Variants in MROH2A observed in about 807,000 individuals in gnomAD.
MROH2A encodes maestro heat-like repeat-containing protein family member 2A.
Under a neutral mutation model 200.4 loss-of-function variants are expected in MROH2A, and 174 were observed. The ratio of observed to expected loss-of-function variants is 0.87; its 90% CI spans 0.77 to 0.98. The LOEUF (loss-of-function observed/expected upper bound fraction) is 0.98. Among genes scored for constraint, MROH2A ranks in the 50% least tolerant of loss-of-function variants. The pLI is 0.00. For missense variants in MROH2A, 2,045 were observed against 2,139.6 expected (o/e 0.96, Z 0.87); for synonymous variants, 829 against 840.4 (o/e 0.99, Z 0.23).
At chr2:233,790,935 C>T (rs922082989) in intron 5 of MROH2A, among the ~76,000 whole-genome samples, 9 of 152,212 alleles carry the variant, frequency 5.9e-5, no homozygotes, top group African/African-American at 2.2e-4. Context: ...GACCTCATCT[C>T]TGCAGCCCTT....
intron 3 of MROH2A, among the ~76,000 whole-genome samples, chr2:233,782,445 T>C (rs890433163): frequency 2.0e-5 from 3 of 152,254 alleles, no homozygotes; most frequent in African/African-American, 7.2e-5. Context: ...AGGTATTTTA[T>C]ATTTTTGTGG....
intron 12 of MROH2A, 25 bp from the exon 13 acceptor site, chr2:233,799,755 C>T: frequency 6.5e-7 from 1 of 1,550,040 alleles, no homozygotes; most frequent in Non-Finnish European, 8.7e-7. Flanking sequence ...CAACCCCCAG[C>T]ATGTCCACGG....
chr2:233,793,033 T>G, intron 6 of MROH2A, 139 bp downstream of exon 6: 1 of 855,048 alleles, frequency 1.2e-6, no homozygotes, highest in Non-Finnish European at 1.8e-6. Context: ...GCTTAATCTT[T>G]TACTTCGTGT....
At chr2:233,791,643 C>T (rs28900423) in intron 5 of MROH2A, among the ~76,000 whole-genome samples, 1 of 152,080 alleles carries the variant, frequency 6.6e-6, no homozygotes, top group African/African-American at 2.4e-5. Context: ...GAGGACCCAG[C>T]CCGGAGGGGT....
chr2:233,807,804 C>G lies in MROH2A; in HGVS notation c.2244C>G (p.Phe748Leu), dbSNP rs770830505. 3 of 1,550,756 alleles carry G rather than the reference C, an allele frequency of 1.9e-6. No homozygotes were observed. Among genetic ancestry groups the G allele is most frequent in the African/African-American group, 2.7e-5 (2 of 73,038 alleles). Residue 748 changes from phenylalanine (F) to leucine (L), a missense_variant, in exon 21 of 42, where the codon TTC becomes TTG. Coordinates refer to ENST00000389758, the MANE Select transcript of MROH2A (RefSeq NM_001394639.1). The surrounding 1 kb of genome is among the most constrained non-coding windows in gnomAD (Gnocchi z 4.3). ...CGGTGCTGAATGTGCTTCATGACTT[C>G]GAGGAGAGGATCCAGGAGTCAGAGC... ...VKTVLNVLHD[F>L]EERIQESEQS...
At position 233,823,004 on chromosome 2, in the gene MROH2A, G is replaced by A; in HGVS notation, c.3990G>A (p.Val1330=). ...ACGGCGGGACATTCCTGGAGGGTGT[G>A]AGCCTGCTGGCCAGGTGGGCCCTGG... ...LQDGGTFLEG[V]SLLARLCMQH... The change falls in exon 34 of 42, where the codon GTG becomes GTA. Residue 1330 remains valine, a synonymous_variant. Coordinates refer to ENST00000389758, the MANE Select transcript of MROH2A (RefSeq NM_001394639.1). 1 of 1,550,342 alleles carries A rather than the reference G, an allele frequency of 6.5e-7. No individual in the cohort carries two copies. Among genetic ancestry groups the A allele is most frequent in the South Asian group, 1.2e-5 (1 of 84,058 alleles).
Position 233,795,683 on chromosome 2 carries a change from A to G in MROH2A, c.997A>G (p.Thr333Ala). The G allele has an allele frequency of 6.4e-7, 1 of 1,551,072 alleles. No individual in the cohort carries two copies. The highest frequency in any genetic ancestry group is 8.7e-7 in the Non-Finnish European group (1 of 1,147,060). The change falls in exon 9 of 42, where the codon ACC becomes GCC. Residue 333 changes from threonine (T) to alanine (A), a missense_variant. Physicochemically the swap from Thr to Ala is moderately conservative, Grantham distance 58. Transcript: ENST00000389758. ...GAGGCAGATCCTGGAACTGTCAGTC[A>G]CCACCAACACCCCTGTCCCCCAAAT... ...VLRQILELSV[T>A]TNTPVPQMQL... is the part of the protein sequence containing the mutation.
chr2:233,803,963 T>A, intron 16 of MROH2A, 88 bp from the exon 17 acceptor site: 2 of 1,478,858 alleles, frequency 1.4e-6, no homozygotes, highest in Non-Finnish European at 1.8e-6. Flanking sequence ...CTTGTCCAGC[T>A]CCTCCCTTTA....
chr2:233,803,987 A>G, intron 16 of MROH2A, 64 bp from the exon 17 acceptor site: 1 of 1,523,794 alleles, frequency 6.6e-7, no homozygotes, highest in Non-Finnish European at 8.9e-7. Flanking sequence ...ATGAGGACAA[A>G]GAGCTCCAAG....
Position 233,822,297 on chromosome 2 carries a change from G to T in MROH2A, c.3672+14G>T. The T allele has an allele frequency of 6.5e-7, 1 of 1,547,806 alleles. No homozygotes were observed. The highest frequency in any genetic ancestry group is 8.7e-7 in the Non-Finnish European group (1 of 1,146,784). ...GACCCCCTGATGGTGAGTTGCAGGC[G>T]CAGGCCCCAAGGCTCCTCAGGGGTC... On this transcript the variant is annotated intron_variant, in intron 32 of 41. Transcript: ENST00000389758.
chr2:233,800,418 G>A (rs1702389151), intron 14 of MROH2A, 103 bp downstream of exon 14: 1 of 717,784 alleles, frequency 1.4e-6, no homozygotes, highest in Non-Finnish European at 2.3e-6. Context: ...CGTTCCTGCT[G>A]TCTGGAGTGT....
chr2:233,800,078 C>G, intron 13 of MROH2A, 127 bp from the exon 14 acceptor site: 1 of 1,059,634 alleles, frequency 9.4e-7, no homozygotes, highest in Non-Finnish European at 1.4e-6. Flanking sequence ...GATATATGCA[C>G]AGCTCTGAGC....
intron 3 of MROH2A, among the ~76,000 whole-genome samples, chr2:233,781,923 T>G (rs1700974357): frequency 6.6e-6 from 1 of 152,196 alleles, no homozygotes; most frequent in South Asian, 2.1e-4. Flanking sequence ...AGGGGTTTAG[T>G]TTCATTCTTC....
In MROH2A at chr2:233,833,401, A is replaced by T. The variant is rs1333372280; in HGVS notation, c.*142A>T. ...CTTTTGTTTCCTTCCGTTGAAATAA[A>T]CCTCCACTGTCGTTGGAGTAGACTT... On this transcript the variant is annotated 3_prime_UTR_variant, in exon 42 of 42. Coordinates refer to ENST00000389758, the MANE Select transcript of MROH2A (RefSeq NM_001394639.1). 1.0e-6 allele frequency: 1 copy of T among 959,374 alleles called. No homozygotes were observed. The highest frequency in any genetic ancestry group is 1.5e-6 in the Non-Finnish European group (1 of 687,000). 59.4% of individuals were successfully genotyped at this position (959,374 alleles called of 1,614,324 possible). A position where few individuals can be genotyped will look rare whatever the true frequency, so the allele number is the denominator to read the frequency against.
intron 14 of MROH2A, among the ~76,000 whole-genome samples, chr2:233,800,631 ATG>A (rs10647744): frequency 0.54 from 80,596 of 149,794 alleles, 22,588 homozygotes; most frequent in South Asian, 0.67. Context: ...GTGTGTGTGT[ATG>A]TGTGTGTGTG....
intron 1 of MROH2A, 63 bp from the exon 2 acceptor site, chr2:233,779,282 G>C (rs35689250): frequency 2.9e-6 from 3 of 1,039,998 alleles, no homozygotes; most frequent in Non-Finnish European, 4.4e-6. Flanking sequence ...GGTGTGGGTC[G>C]TTGGGGTCAT....
chr2:233,779,265 A>G, intron 1 of MROH2A, 80 bp from the exon 2 acceptor site: 1 of 844,752 alleles, frequency 1.2e-6, no homozygotes, highest in South Asian at 1.5e-5. Context: ...GGATGGCTTT[A>G]TGGAAGGGTG....
intron 11 of MROH2A, among the ~76,000 whole-genome samples, chr2:233,796,514 C>G (rs1702122308): frequency 6.6e-6 from 1 of 152,110 alleles, no homozygotes. Flanking sequence ...TCCCCACACC[C>G]AACCCTCTGA....
chr2:233,788,263 GTAATAATAATAA>G (rs71973977), intron 3 of MROH2A, among the ~76,000 whole-genome samples: 192 of 128,484 alleles, frequency 1.5e-3, no homozygotes, highest in African/African-American at 4.1e-3. Context: ...GTCCTTGGGA[GTAATAATAATAA>G]TAATAATAAT....
Sources: allele counts gnomAD v4.1 joint callset (sites outside exome capture counted in the v4.1 genomes callset), GRCh38; gene constraint gnomAD v4.1.1; non-coding constraint Gnocchi (gnomAD v3.1); transcripts MANE v1.5; gene names NCBI Gene and HGNC (gene_info 2026-07-23, HGNC 2026-07-21).